TNKS: variants seen among roughly 807,000 people sequenced by gnomAD.
TNKS encodes tankyrase.
A neutral mutation model predicts 135.8 loss-of-function variants in TNKS; 72 were observed. That is an observed-to-expected ratio of 0.53 (90% CI 0.44 to 0.64). The LOEUF (loss-of-function observed/expected upper bound fraction) is 0.64, where lower values mean the gene tolerates loss of function less well. TNKS is among the 30% of genes least tolerant of loss of function. TNKS has a pLI of 0.00. For synonymous variants in TNKS, 849 were observed against 649.3 expected (o/e 1.31, Z -4.68); for missense variants, 1,769 against 1,674.0 (o/e 1.06, Z -0.99).
At chr8:9,573,278 G>C (rs1487870637) in intron 1 of TNKS, among the ~76,000 whole-genome samples, 2 of 152,216 alleles carry the variant, frequency 1.3e-5, no homozygotes, top group African/African-American at 4.8e-5. Flanking sequence ...AATAGGTTCA[G>C]AGTAATTCCA....
At chr8:9,584,626 G>C (rs1798298741) in intron 2 of TNKS, among the ~76,000 whole-genome samples, 1 of 152,160 alleles carries the variant, frequency 6.6e-6, no homozygotes, top group African/African-American at 2.4e-5. Context: ...TAGTATAATT[G>C]ATAACAGAGA....
rs187832528 is a variant in TNKS, at chr8:9,615,577, C to G, written c.899-5C>G. The G allele has an allele frequency of 1.8e-5, 29 of 1,612,012 alleles. No homozygotes were observed. The Admixed American group carries it at 3.2e-4, about 18-fold the overall frequency. ...TAAGATACTGTTTCTGCTTTCCCTGCACAGTGCTGCTGCAGCACGGAGCTG... is the reference window on the plus strand; with the variant it reads ...TAAGATACTGTTTCTGCTTTCCCTGGACAGTGCTGCTGCAGCACGGAGCTG... On this transcript the variant is annotated splice_polypyrimidine_tract_variant and splice_region_variant and intron_variant, in intron 2 of 26. Transcript: ENST00000310430.
intron 25 of TNKS, among the ~76,000 whole-genome samples, chr8:9,768,907 A>G (rs568830461): frequency 5.3e-5 from 8 of 152,352 alleles, no homozygotes; most frequent in Non-Finnish European, 8.8e-5. Context: ...TCCTGGATCC[A>G]GCACAAATTT....
rs141095916 is a variant in TNKS, at chr8:9,564,326, A to C, written c.673+7714A>C. 3.7e-3 allele frequency among the ~76,000 whole-genome samples: 568 copies of C among 152,296 alleles called. 4 individuals are homozygous for C. The highest frequency in any genetic ancestry group is 0.024 in the Middle Eastern group (7 of 294). On this transcript the variant is annotated intron_variant, in intron 1 of 26. Coordinates refer to ENST00000310430, the MANE Select transcript of TNKS (RefSeq NM_003747.3). ...TAACAGGCCAGAGAAATACATTGGG[A>C]GGATAGGAGGCATATCATCAAAGGT...
At chr8:9,629,262 C>G (rs1307892095) in intron 3 of TNKS, among the ~76,000 whole-genome samples, 1 of 152,192 alleles carries the variant, frequency 6.6e-6, no homozygotes, top group African/African-American at 2.4e-5. Flanking sequence ...GCAGTACATT[C>G]TGATGCAGAC....
chr8:9,576,191 C>A (rs1563395449), intron 1 of TNKS, among the ~76,000 whole-genome samples: 1 of 152,174 alleles, frequency 6.6e-6, no homozygotes, highest in African/African-American at 2.4e-5. Flanking sequence ...ATATTATTTC[C>A]TGCCCAATTC....
intron 3 of TNKS, among the ~76,000 whole-genome samples, chr8:9,645,767 T>G (rs1377500865): frequency 6.6e-6 from 1 of 152,218 alleles, no homozygotes; most frequent in Non-Finnish European, 1.5e-5. Context: ...TTTTAACTTT[T>G]TCTTTAGTAT....
At chr8:9,771,170 G>A (rs78602662) in intron 26 of TNKS, among the ~76,000 whole-genome samples, 15,495 of 148,930 alleles carry the variant, frequency 0.1, 972 homozygotes, top group South Asian at 0.17. Context: ...GGAAGGAAAG[G>A]AGGGAGAGAA....
At chr8:9,578,423 C>A (rs1798041968) in intron 1 of TNKS, among the ~76,000 whole-genome samples, 2 of 152,216 alleles carry the variant, frequency 1.3e-5, no homozygotes, top group Admixed American at 1.3e-4. Flanking sequence ...GTACCCTATG[C>A]TTTTACTGAT....
chr8:9,594,640 A>C (rs1563102964), intron 2 of TNKS, among the ~76,000 whole-genome samples: 1 of 152,166 alleles, frequency 6.6e-6, no homozygotes, highest in Non-Finnish European at 1.5e-5. Flanking sequence ...ATTGTCAGTG[A>C]ATATTTTTAT....
At chr8:9,638,874 T>G (rs1800620085) in intron 3 of TNKS, among the ~76,000 whole-genome samples, 3 of 152,176 alleles carry the variant, frequency 2.0e-5, no homozygotes. Context: ...ATATCTATTT[T>G]TCAAATTGGT....
rs1313034715 is a variant in TNKS at position 9,755,867 on chromosome 8, C to G, written c.3153+3241C>G. Among the ~76,000 whole-genome samples, 44 of 152,136 alleles carry G rather than the reference C, an allele frequency of 2.9e-4. 1 individual carries two copies. The stretch of plus-strand genomic sequence containing the variant: ...CTTCGGCACATCATAGCCTCACCTC[C>G]TATCTTCACAGTTACTCTCTTGGAA... On this transcript the variant is annotated intron_variant, in intron 20 of 26. Coordinates refer to ENST00000310430, the MANE Select transcript of TNKS (RefSeq NM_003747.3).
Position 9,593,877 on chromosome 8 carries a change from T to TTA in TNKS, c.898+13495_898+13496insAT, listed in dbSNP as rs1407249329. On this transcript the variant is annotated intron_variant, in intron 2 of 26. Transcript: ENST00000310430. ...TTATCCCTTGATATTTATTTATTTA[T>TTA]TTATTATTATTATTATTATTATTTT... 4.1e-3 allele frequency among the ~76,000 whole-genome samples: 538 copies of TTA among 130,648 alleles called. 7 individuals carry two copies. Among genetic ancestry groups the TTA allele is most frequent in the African/African-American group, 0.017 (501 of 29,594 alleles). 85.7% of individuals were successfully genotyped at this position (130,648 alleles called of 152,430 possible). A position where few individuals can be genotyped will look rare whatever the true frequency, so the allele number is the denominator to read the frequency against.
chr8:9,599,543 C>G (rs146039421), intron 2 of TNKS, among the ~76,000 whole-genome samples: 359 of 152,282 alleles, frequency 2.4e-3, no homozygotes, highest in African/African-American at 8.2e-3. Flanking sequence ...AGTCATTATT[C>G]TCTATTGAGT....
At chr8:9,766,483 C>CT (rs61212620) in intron 25 of TNKS, 58 bp downstream of exon 25, 159,692 of 880,764 alleles carry the variant, frequency 0.18, 1,939 homozygotes, top group Admixed American at 0.21. Flanking sequence ...ACCAAATTGT[C>CT]TTTTTTTTTT....
intron 2 of TNKS, among the ~76,000 whole-genome samples, chr8:9,589,554 C>G (rs1186703667): frequency 1.3e-5 from 2 of 152,210 alleles, no homozygotes; most frequent in Non-Finnish European, 2.9e-5. Context: ...TGTTGCTAAA[C>G]CTGAGATGCA....
At chr8:9,636,560 C>T (rs1800519168) in intron 3 of TNKS, among the ~76,000 whole-genome samples, 1 of 152,114 alleles carries the variant, frequency 6.6e-6, no homozygotes, top group Non-Finnish European at 1.5e-5. Context: ...GGCCTCATTT[C>T]AGATCAGAGC....
chr8:9,615,501 A>T (rs1232402189), intron 2 of TNKS, 81 bp from the exon 3 acceptor site: 1 of 1,194,898 alleles, frequency 8.4e-7, no homozygotes, highest in Non-Finnish European at 1.2e-6. Flanking sequence ...GTTTATGCCT[A>T]CACCATGCCG....
chr8:9,606,262 G>T (rs28464158), intron 2 of TNKS, among the ~76,000 whole-genome samples: 2 of 149,114 alleles, frequency 1.3e-5, no homozygotes, highest in African/African-American at 2.5e-5. Flanking sequence ...TGAAAAGTCA[G>T]TTGACTCCCT....
Sources: allele counts gnomAD v4.1 joint callset (sites outside exome capture counted in the v4.1 genomes callset), GRCh38; gene constraint gnomAD v4.1.1; transcripts MANE v1.5; gene names NCBI Gene and HGNC (gene_info 2026-07-23, HGNC 2026-07-21).